NOP58: variants seen among roughly 807,000 people sequenced by gnomAD.
The protein encoded by NOP58 is nucleolar protein 58.
Under a neutral mutation model 71.2 loss-of-function variants are expected in NOP58, and 44 were observed. That is an observed-to-expected ratio of 0.62 (90% CI 0.49 to 0.79). The LOEUF is 0.79. Ranked by LOEUF, NOP58 falls within the 30% of genes least tolerant of loss-of-function variation. The probability of loss-of-function intolerance (pLI) is 0.00; values close to 1 mark genes in which losing one functional copy is unlikely to be tolerated. For missense variants in NOP58, 538 were observed against 620.2 expected, an observed-to-expected ratio of 0.87 and a Z score of 1.41; for synonymous variants, 228 against 200.3, an observed-to-expected ratio of 1.14 and a Z score of -1.17.
intron 8 of NOP58, among the ~76,000 whole-genome samples, chr2:202,292,136 A>C (rs1024276936): frequency 2.0e-5 from 3 of 150,364 alleles, no homozygotes; most frequent in Non-Finnish European, 1.5e-5. Flanking sequence ...TGGGATTACA[A>C]GCACGTGCCA....
intron 9 of NOP58, among the ~76,000 whole-genome samples, chr2:202,294,036 C>T (rs1283946155): frequency 1.3e-5 from 2 of 151,730 alleles, no homozygotes; most frequent in African/African-American, 4.8e-5. Flanking sequence ...ATTTGTTGGC[C>T]AGGCGTGGTG....
chr2:202,295,088 G>T (rs1688969674), intron 9 of NOP58, among the ~76,000 whole-genome samples: 1 of 152,196 alleles, frequency 6.6e-6, no homozygotes, highest in South Asian at 2.1e-4. Flanking sequence ...GATGATTCAT[G>T]TCCTGGGGGG....
intron 5 of NOP58, 121 bp from the exon 6 acceptor site, chr2:202,287,539 T>C: frequency 1.5e-6 from 1 of 671,844 alleles, no homozygotes; most frequent in South Asian, 1.9e-5. Context: ...GAAAAACCAA[T>C]TACAGCTCTG....
chr2:202,280,131 A>G (rs1688675983), intron 3 of NOP58, among the ~76,000 whole-genome samples: 1 of 152,132 alleles, frequency 6.6e-6, no homozygotes, highest in South Asian at 2.1e-4. Flanking sequence ...GCCTATTATA[A>G]GGCAGTTTTG....
intron 12 of NOP58, 42 bp downstream of exon 12, chr2:202,297,948 A>G (rs761177166): frequency 1.0e-5 from 12 of 1,188,608 alleles, no homozygotes; most frequent in Middle Eastern, 2.0e-4. Flanking sequence ...AGTTTTTTTA[A>G]ATGTTAATTA....
At position 202,301,099 on chromosome 2, in the gene NOP58, C is replaced by G. The variant is rs73990247; in HGVS notation, c.1402+732C>G. On this transcript the variant is annotated intron_variant, in intron 13 of 14. Transcript: ENST00000264279. ...CTAAACCCACTAGTAGCATTTGAGG[C>G]ACCAAACTCTGTCCTTTGTATCCTC... Among the ~76,000 whole-genome samples, 173 of 152,286 alleles carry G rather than the reference C, an allele frequency of 1.1e-3. 1 individual carries two copies. Among genetic ancestry groups the G allele is most frequent in the African/African-American group, 3.3e-3 (137 of 41,544 alleles).
intron 2 of NOP58, 138 bp from the exon 3 acceptor site, chr2:202,277,812 A>C (rs1688630461): frequency 1.7e-6 from 1 of 600,850 alleles, no homozygotes; most frequent in African/African-American, 1.9e-5. Flanking sequence ...CTAACTTCAC[A>C]CCCTGATACA....
At chr2:202,275,414 A>G in intron 2 of NOP58, 1 of 432,852 alleles carries the variant, frequency 2.3e-6, no homozygotes, top group Non-Finnish European at 4.2e-6. Flanking sequence ...CACAGGGATT[A>G]TGTTCCAGAA....
At chr2:202,275,662 T>G (rs1247873741) in intron 2 of NOP58, 3 of 151,966 alleles carry the variant, frequency 2.0e-5, no homozygotes, top group African/African-American at 7.3e-5. Context: ...AGATGTTAAA[T>G]CTTTGGTTTT....
In NOP58 at chr2:202,265,867, G is replaced by C; in HGVS notation, c.-75G>C. 3 of 1,588,808 alleles carry C rather than the reference G, an allele frequency of 1.9e-6. No homozygotes were observed. Among genetic ancestry groups the C allele is most frequent in the Non-Finnish European group, 2.6e-6 (3 of 1,159,256 alleles). ...CGCCGCGGCCTAGGAGGCCTTTTGA[G>C]GCCGCGTAGTCGGTGTTTTTGAACT... On this transcript the variant is annotated 5_prime_UTR_variant, in exon 1 of 15. Coordinates refer to ENST00000264279, the MANE Select transcript of NOP58 (RefSeq NM_015934.5).
chr2:202,270,357 G>C (rs1441632239), intron 1 of NOP58, among the ~76,000 whole-genome samples: 1 of 152,116 alleles, frequency 6.6e-6, no homozygotes, highest in Non-Finnish European at 1.5e-5. Flanking sequence ...GTATGGATTT[G>C]TTTCTTTTTG....
chr2:202,285,590 C>T (rs1688773393), intron 5 of NOP58, among the ~76,000 whole-genome samples: 1 of 152,036 alleles, frequency 6.6e-6, no homozygotes, highest in Non-Finnish European at 1.5e-5. Flanking sequence ...ATCCACTTGC[C>T]TTAGCCTCCC....
intron 1 of NOP58, among the ~76,000 whole-genome samples, chr2:202,270,132 A>G: frequency 6.6e-6 from 1 of 152,212 alleles, no homozygotes; most frequent in East Asian, 1.9e-4. Flanking sequence ...TTTAGTTACA[A>G]TCCAGTTTTA....
intron 6 of NOP58, 50 bp downstream of exon 6, chr2:202,287,774 T>C (rs769054372): frequency 2.3e-6 from 3 of 1,280,316 alleles, no homozygotes; most frequent in Non-Finnish European, 3.4e-6. Flanking sequence ...CCTTCATGCG[T>C]TTTCATACTG....
intron 2 of NOP58, among the ~76,000 whole-genome samples, chr2:202,275,844 T>G (rs1688581017): frequency 6.6e-6 from 1 of 152,102 alleles, no homozygotes; most frequent in African/African-American, 2.4e-5. Context: ...AATTTTTGTA[T>G]TTTTAGTAGA....
At chr2:202,298,840 ATG>A (rs1689040049) in intron 12 of NOP58, among the ~76,000 whole-genome samples, 1 of 151,994 alleles carries the variant, frequency 6.6e-6, no homozygotes, top group South Asian at 2.1e-4. Context: ...TGCAGGTAGA[ATG>A]TGGCACAGCT....
chr2:202,281,060 A>C (rs1364828752), intron 3 of NOP58, among the ~76,000 whole-genome samples: 1 of 151,956 alleles, frequency 6.6e-6, no homozygotes, highest in Non-Finnish European at 1.5e-5. Flanking sequence ...TGACTTATTA[A>C]GCACAAACTG....
At chr2:202,269,749 GA>G (rs976688023) in intron 1 of NOP58, among the ~76,000 whole-genome samples, 3 of 150,790 alleles carry the variant, frequency 2.0e-5, no homozygotes, top group African/African-American at 7.4e-5. Flanking sequence ...TCAAAAAAAA[GA>G]AAAAAAGAAA....
chr2:202,300,716 T>A (rs900553551), intron 13 of NOP58, among the ~76,000 whole-genome samples: 1 of 152,192 alleles, frequency 6.6e-6, no homozygotes, highest in Non-Finnish European at 1.5e-5. Flanking sequence ...AATACAGAAT[T>A]GATGGAACAG....
Sources: gnomAD v4.1 joint callset for allele counts (sites outside exome capture counted in the v4.1 genomes callset) on GRCh38, gnomAD v4.1.1 for gene constraint, MANE v1.5 for transcripts, NCBI Gene and HGNC (gene_info 2026-07-23, HGNC 2026-07-21) for gene names.